HTR2C: variants seen among roughly 807,000 people sequenced by gnomAD.
The protein encoded by HTR2C is 5-hydroxytryptamine (serotonin) receptor 2C, G protein-coupled.
In HTR2C, 5 loss-of-function variants were observed where a neutral mutation model predicts 21.0. The ratio of observed to expected loss-of-function variants is 0.24; its 90% CI spans 0.12 to 0.50. The LOEUF is 0.50. HTR2C is among the 20% of genes least tolerant of loss of function. The pLI is 0.98. For missense variants in HTR2C, 271 were observed against 371.2 expected (o/e 0.73, Z 2.22); for synonymous variants, 150 against 145.3 (o/e 1.03, Z -0.23).
intron 2 of HTR2C, among the ~76,000 whole-genome samples, chrX:114,701,431 T>G (rs1932494778): frequency 8.9e-6 from 1 of 111,901 alleles, no homozygotes; most frequent in African/African-American, 3.3e-5. Flanking sequence ...CAGCCACTGC[T>G]GCTGATAACC....
At chrX:114,627,093 T>A (rs1285889241) in intron 2 of HTR2C, among the ~76,000 whole-genome samples, 2 of 111,930 alleles carry the variant, frequency 1.8e-5, no homozygotes, top group Non-Finnish European at 3.8e-5. Context: ...AAGTGGGCAT[T>A]AGAACCAAAA....
chrX:114,805,260 T>C (rs1556448304), intron 4 of HTR2C, among the ~76,000 whole-genome samples: 1 of 109,965 alleles, frequency 9.1e-6, no homozygotes, highest in Non-Finnish European at 1.9e-5. Flanking sequence ...AACTTTGACA[T>C]ATGACCAATC....
intron 4 of HTR2C, among the ~76,000 whole-genome samples, chrX:114,801,824 A>T (rs1200286422): frequency 9.0e-6 from 1 of 110,992 alleles, no homozygotes; most frequent in African/African-American, 3.3e-5. Flanking sequence ...ATACAATCTA[A>T]TTATAATCCT....
At chrX:114,820,014 C>G (rs1365838125) in intron 4 of HTR2C, among the ~76,000 whole-genome samples, 1 of 109,974 alleles carries the variant, frequency 9.1e-6, no homozygotes, top group African/African-American at 3.3e-5. Context: ...TAATGCTGGT[C>G]AGTTGTTCTG....
chrX:114,682,309 A>C (rs1356023150), intron 2 of HTR2C, among the ~76,000 whole-genome samples: 1 of 111,420 alleles, frequency 9.0e-6, no homozygotes, highest in Non-Finnish European at 1.9e-5. Context: ...TTGGTGATTA[A>C]AATTTGCCAT....
In HTR2C at chrX:114,875,257, T is replaced by C. The variant is rs186415635; in HGVS notation, c.550+27054T>C. Among the ~76,000 whole-genome samples the C allele has an allele frequency of 3.8e-3, 427 of 111,893 alleles. 4 individuals carry two copies. Among genetic ancestry groups the C allele is most frequent in the African/African-American group, 0.013 (412 of 30,817 alleles). The stretch of plus-strand genomic sequence containing the variant: ...TATCCTAATACCATCACTTTGGAAG[T>C]TAGGATTCCAACATGTGAATTTGAG... On this transcript the variant is annotated intron_variant, in intron 5 of 5. Transcript: ENST00000276198.
chrX:114,796,510 G>A (rs2070294997), intron 4 of HTR2C, among the ~76,000 whole-genome samples: 1 of 111,116 alleles, frequency 9.0e-6, no homozygotes, highest in Non-Finnish European at 1.9e-5. Context: ...GTTACTTAAT[G>A]TCTATATTAC....
chrX:114,656,195 G>T (rs781872114), intron 2 of HTR2C, among the ~76,000 whole-genome samples: 1 of 110,465 alleles, frequency 9.1e-6, no homozygotes, highest in East Asian at 2.8e-4. Flanking sequence ...CACTTTGTTG[G>T]CTTAGATGAT....
At chrX:114,821,903 G>A (rs1339679246) in intron 4 of HTR2C, among the ~76,000 whole-genome samples, 1 of 101,139 alleles carries the variant, frequency 9.9e-6, no homozygotes, top group Non-Finnish European at 2.0e-5. Flanking sequence ...TTTTGAGATG[G>A]AGTCTCACTC....
At chrX:114,722,492 TGAATAC>T (rs1180355407) in intron 2 of HTR2C, among the ~76,000 whole-genome samples, 1 of 111,213 alleles carries the variant, frequency 9.0e-6, no homozygotes, top group African/African-American at 3.3e-5. Context: ...TTTTCCTAAT[TGAATAC>T]CCTTTATTTC....
At chrX:114,776,532 C>T in intron 4 of HTR2C, 1 of 538,276 alleles carries the variant, frequency 1.9e-6, no homozygotes, top group Non-Finnish European at 3.4e-6. Flanking sequence ...GACTAGACAA[C>T]AGCATCATCA....
intron 1 of HTR2C, among the ~76,000 whole-genome samples, chrX:114,597,889 T>C (rs1333464934): frequency 8.9e-6 from 1 of 112,106 alleles, no homozygotes; most frequent in African/African-American, 3.2e-5. Context: ...ATATTTAAGA[T>C]TGATATTTAC....
At chrX:114,662,190 C>G (rs1231491682) in intron 2 of HTR2C, among the ~76,000 whole-genome samples, 3 of 111,502 alleles carry the variant, frequency 2.7e-5, no homozygotes, top group Non-Finnish European at 5.6e-5. Context: ...TGTAATACTT[C>G]TTAATTTCAC....
chrX:114,658,263 A>G (rs1054708926), intron 2 of HTR2C, among the ~76,000 whole-genome samples: 1 of 111,908 alleles, frequency 8.9e-6, no homozygotes, highest in African/African-American at 3.2e-5. Flanking sequence ...ATGAATTATC[A>G]TATTCCCTTC....
intron 2 of HTR2C, among the ~76,000 whole-genome samples, chrX:114,627,160 CTT>C (rs1473309858): frequency 9.0e-6 from 1 of 111,471 alleles, no homozygotes; most frequent in Non-Finnish European, 1.9e-5. Context: ...TCAAAATACT[CTT>C]GTCACAAGGA....
intron 2 of HTR2C, among the ~76,000 whole-genome samples, chrX:114,699,913 A>T (rs148348941): frequency 6.2e-4 from 70 of 112,283 alleles, no homozygotes; most frequent in African/African-American, 2.2e-3. Flanking sequence ...CATTAACATC[A>T]AAAGTTGCTA....
At chrX:114,687,839 C>T (rs1406174128) in intron 2 of HTR2C, among the ~76,000 whole-genome samples, 2 of 111,479 alleles carry the variant, frequency 1.8e-5, no homozygotes, top group Non-Finnish European at 3.8e-5. Context: ...ATGTCTCAAG[C>T]GTTTTCCTTT....
chrX:114,708,661 A>T (rs181691391), intron 2 of HTR2C, among the ~76,000 whole-genome samples: 3 of 110,644 alleles, frequency 2.7e-5, no homozygotes, highest in African/African-American at 9.8e-5. Context: ...TTTTAAATCA[A>T]CCAGGAATAG....
chrX:114,799,804 C>T (rs2070328945), intron 4 of HTR2C, among the ~76,000 whole-genome samples: 1 of 110,687 alleles, frequency 9.0e-6, no homozygotes, highest in Non-Finnish European at 1.9e-5. Context: ...TATTTGTATA[C>T]AAATCATATA....
Sources: gnomAD v4.1 joint callset for allele counts (sites outside exome capture counted in the v4.1 genomes callset) on GRCh38, gnomAD v4.1.1 for gene constraint, MANE v1.5 for transcripts, NCBI Gene and HGNC (gene_info 2026-07-23, HGNC 2026-07-21) for gene names.